Variants in GUCY2F observed in about 807,000 individuals in gnomAD.
GUCY2F encodes retinal guanylyl cyclase 2.
A neutral mutation model predicts 73.1 loss-of-function variants in GUCY2F; 61 were observed. The observed-to-expected ratio is 0.83, with a 90% CI of 0.68 to 1.03. GUCY2F has a LOEUF of 1.03. Among genes scored for constraint, GUCY2F ranks in the 50% least tolerant of loss-of-function variants. The probability of loss-of-function intolerance (pLI) is 0.00; values close to 1 mark genes in which losing one functional copy is unlikely to be tolerated. For missense variants in GUCY2F, 912 were observed against 854.3 expected, an observed-to-expected ratio of 1.07 and a Z score of -0.84; for synonymous variants, 331 against 307.8, an observed-to-expected ratio of 1.08 and a Z score of -0.79.
chrX:109,465,728 T>C (rs1381893932), intron 2 of GUCY2F, among the ~76,000 whole-genome samples: 1 of 111,868 alleles, frequency 8.9e-6, no homozygotes, highest in Non-Finnish European at 1.9e-5. Flanking sequence ...AAAGAGGCTT[T>C]AGGGTTGGAA....
chrX:109,450,624 T>C (rs1429915537), intron 5 of GUCY2F, among the ~76,000 whole-genome samples: 2 of 112,515 alleles, frequency 1.8e-5, no homozygotes, highest in Non-Finnish European at 3.8e-5. Context: ...AAATTTCTGT[T>C]CTTAGCAGGA....
At chrX:109,464,109 A>C (rs1932418652) in intron 3 of GUCY2F, among the ~76,000 whole-genome samples, 1 of 112,392 alleles carries the variant, frequency 8.9e-6, no homozygotes, top group Non-Finnish European at 1.9e-5. Context: ...GTACTTTTGA[A>C]AATGTCTGCT....
Position 109,456,454 on chromosome X carries a change from C to G in GUCY2F, c.1033-2595G>C, listed in dbSNP as rs1259645137. Among the ~76,000 whole-genome samples, 3 of 111,469 alleles carry G rather than the reference C, an allele frequency of 2.7e-5. No homozygotes were observed. In the Admixed American group the frequency reaches 2.9e-4, roughly 11 times the overall value. On this transcript the variant is annotated intron_variant, in intron 3 of 19. Transcript: ENST00000218006. ...CTTCTGAGAAAGAAACTGCATCTAC[C>G]TACAGCCAAAAGTGAAGATTAAAAC...
At chrX:109,385,837 G>A (rs1199850469) in intron 15 of GUCY2F, among the ~76,000 whole-genome samples, 2 of 112,178 alleles carry the variant, frequency 1.8e-5, no homozygotes, top group Non-Finnish European at 3.8e-5. Context: ...AGCATTTTTT[G>A]TTCTTACATT....
At chrX:109,430,030 T>C (rs1931575047) in intron 8 of GUCY2F, among the ~76,000 whole-genome samples, 1 of 112,381 alleles carries the variant, frequency 8.9e-6, no homozygotes, top group African/African-American at 3.2e-5. Context: ...ATAACCCTTT[T>C]GTAAATAAGG....
At position 109,441,400 on chromosome X, in the gene GUCY2F, C is replaced by T; in HGVS notation, c.1652G>A (p.Gly551Glu). The stretch of plus-strand genomic sequence containing the variant: ...TTCATAGGTAGCTGGAGTTAGACTC[C>T]CTGAAGAAAAGGAGAGTCTTGGGGA... ...GRSPRLSFSS[G>E]SLTPATYENS... The change falls in exon 7 of 20, where the codon GGG (glycine) becomes GAG (glutamate). Residue 551 changes from glycine to glutamate, a missense_variant. By Grantham distance (98) the Gly-to-Glu change is moderately conservative. Transcript: ENST00000218006. The T allele has an allele frequency of 8.6e-7, 1 of 1,162,765 alleles. No homozygotes were observed. The highest frequency in any genetic ancestry group is 1.2e-6 in the Non-Finnish European group (1 of 858,436).
At chrX:109,397,734 C>T (rs1279563812) in intron 11 of GUCY2F, among the ~76,000 whole-genome samples, 2 of 111,644 alleles carry the variant, frequency 1.8e-5, no homozygotes, top group Non-Finnish European at 3.8e-5. Flanking sequence ...CTTTTCCTGT[C>T]TTTCATGACT....
intron 8 of GUCY2F, among the ~76,000 whole-genome samples, chrX:109,411,183 C>T (rs1931100273): frequency 9.4e-6 from 1 of 106,372 alleles, no homozygotes; most frequent in African/African-American, 3.5e-5. Context: ...TGGTGCCCCA[C>T]CCATATGCCT....
chrX:109,404,124 T>C (rs1290038924), intron 10 of GUCY2F, among the ~76,000 whole-genome samples: 6 of 112,497 alleles, frequency 5.3e-5, no homozygotes, highest in African/African-American at 1.9e-4. Context: ...CTGAACATTA[T>C]TACACTGGCT....
rs1186826302 is a variant in GUCY2F, at chrX:109,375,994, G to T, written c.3240-8C>A. On this transcript the variant is annotated splice_polypyrimidine_tract_variant and splice_region_variant and intron_variant, in intron 18 of 19. Transcript: ENST00000218006. ...AGGCCATGGCCCACTTGCCTGCAGGGCAGGGGAGACATCAAATAGGTAGTG... is the reference window on the plus strand; with the variant it reads ...AGGCCATGGCCCACTTGCCTGCAGGTCAGGGGAGACATCAAATAGGTAGTG... 12 of 1,193,811 alleles carry T rather than the reference G, an allele frequency of 1.0e-5. No individual in the cohort carries two copies. Among genetic ancestry groups the T allele is most frequent in the Non-Finnish European group, 1.4e-5 (12 of 878,914 alleles).
At chrX:109,444,107 G>T (rs1167104090) in intron 6 of GUCY2F, among the ~76,000 whole-genome samples, 1 of 111,697 alleles carries the variant, frequency 9.0e-6, no homozygotes, top group African/African-American at 3.3e-5. Context: ...CAAAAATGGG[G>T]ACTAATATCA....
intron 3 of GUCY2F, among the ~76,000 whole-genome samples, chrX:109,457,588 C>G (rs1211982486): frequency 9.0e-6 from 1 of 111,277 alleles, no homozygotes; most frequent in Non-Finnish European, 1.9e-5. Flanking sequence ...AACACAAAAC[C>G]CTTATTTTGT....
chrX:109,439,846 G>A (rs1340095275), intron 7 of GUCY2F, among the ~76,000 whole-genome samples: 3 of 111,252 alleles, frequency 2.7e-5, no homozygotes, highest in East Asian at 2.8e-4. Context: ...TTCTGTTCAC[G>A]ACCACTTAAG....
At position 109,411,434 on chromosome X, in the gene GUCY2F, C is replaced by G. The variant is rs936518943; in HGVS notation, c.1792-2266G>C. On this transcript the variant is annotated intron_variant, in intron 8 of 19. Coordinates refer to ENST00000218006, the MANE Select transcript of GUCY2F (RefSeq NM_001522.3). ...GTATAACTTGTGCTCCAGCATTTCC[C>G]CATAAGATCATACTGTTGCTAGTTT... Among the ~76,000 whole-genome samples the G allele has an allele frequency of 3.6e-5, 4 of 110,949 alleles. No homozygotes were observed. The Admixed American group carries it at 3.9e-4, about 11-fold the overall frequency.
Position 109,392,961 on chromosome X carries a change from C to A in GUCY2F, c.2519G>T (p.Arg840Leu). 1 of 1,165,482 alleles carries A rather than the reference C, an allele frequency of 8.6e-7. No individual in the cohort carries two copies. ...AATTTCCAGCTCTTCAGTCCGCTCC[C>A]GAATCAAATCTTCCAAGTTGCTAGA... ...QYSSNLEDLIRERTEELEIEK... is the reference protein window; with the variant it reads ...QYSSNLEDLILERTEELEIEK... The change falls in exon 13 of 20, where the codon CGG becomes CTG. Residue 840 changes from arginine to leucine, a missense_variant. Arg to Leu is a moderately radical substitution (Grantham distance 102). Coordinates refer to ENST00000218006, the MANE Select transcript of GUCY2F (RefSeq NM_001522.3).
intron 4 of GUCY2F, 145 bp from the exon 5 acceptor site, chrX:109,452,252 C>T (rs1477548373): frequency 2.2e-5 from 10 of 454,208 alleles, no homozygotes; most frequent in Non-Finnish European, 3.5e-5. Flanking sequence ...TTTCTCAGCA[C>T]AGTCTGTCTT....
chrX:109,434,601 C>A (rs775245851), intron 7 of GUCY2F, among the ~76,000 whole-genome samples: 19 of 110,154 alleles, frequency 1.7e-4, no homozygotes, highest in South Asian at 8.0e-4. Context: ...ATGGTAGTTT[C>A]TTTTGCTGTG....
chrX:109,455,523 A>G (rs1932239412), intron 3 of GUCY2F, among the ~76,000 whole-genome samples: 1 of 111,951 alleles, frequency 8.9e-6, no homozygotes, highest in African/African-American at 3.2e-5. Context: ...TGATTGGAAT[A>G]TATGTCCCCT....
intron 15 of GUCY2F, among the ~76,000 whole-genome samples, chrX:109,386,603 T>C (rs1041914333): frequency 5.4e-5 from 6 of 111,670 alleles, no homozygotes; most frequent in African/African-American, 2.0e-4. Context: ...GATCAGTGTA[T>C]AAAATGCATT....
Sources: allele counts gnomAD v4.1 joint callset (sites outside exome capture counted in the v4.1 genomes callset), GRCh38; gene constraint gnomAD v4.1.1; transcripts MANE v1.5; gene names NCBI Gene and HGNC (gene_info 2026-07-23, HGNC 2026-07-21).